TRIM14: variants seen among roughly 807,000 people sequenced by gnomAD.
TRIM14 encodes the protein tripartite motif containing 14.
A neutral mutation model predicts 44.5 loss-of-function variants in TRIM14; 28 were observed. The observed-to-expected ratio is 0.63, with a 90% CI of 0.47 to 0.86. TRIM14 has a LOEUF of 0.86. TRIM14 is among the 40% of genes least tolerant of loss of function. The pLI is 0.00. For missense variants in TRIM14, 607 were observed against 611.1 expected, an observed-to-expected ratio of 0.99 and a Z score of 0.07; for synonymous variants, 299 against 269.2, an observed-to-expected ratio of 1.11 and a Z score of -1.08.
intron 6 of TRIM14, among the ~76,000 whole-genome samples, chr9:98,072,618 C>T (rs1829391602): frequency 6.6e-6 from 1 of 152,110 alleles, no homozygotes; most frequent in Non-Finnish European, 1.5e-5. Flanking sequence ...ACCATGTTGG[C>T]CAGGGTGGTC....
chr9:98,059,948 GGATGTTCCTGTCCCTGA>G, the TRIM14 span, among the ~76,000 whole-genome samples: 1 of 152,144 alleles, frequency 6.6e-6, no homozygotes, highest in South Asian at 2.1e-4. Flanking sequence ...CACTGTCCCT[GGATGTTCCTGTCCCTGA>G]GAGGGCCTCA....
the TRIM14 span, among the ~76,000 whole-genome samples, chr9:98,059,312 T>C: frequency 6.6e-6 from 1 of 152,230 alleles, no homozygotes; most frequent in Non-Finnish European, 1.5e-5. Flanking sequence ...TGTGAGCCAC[T>C]GCGCCCGGCA....
At chr9:98,110,087 T>C (rs990330866) in intron 1 of TRIM14, 103 bp from the exon 2 acceptor site, 32 of 858,436 alleles carry the variant, frequency 3.7e-5, no homozygotes, top group African/African-American at 1.7e-4. Context: ...TCTTTTCCAA[T>C]GGAGGCATCT....
the TRIM14 span, among the ~76,000 whole-genome samples, chr9:98,053,141 G>A: frequency 6.6e-6 from 1 of 152,194 alleles, no homozygotes; most frequent in Non-Finnish European, 1.5e-5. Flanking sequence ...AATTGAACCT[G>A]GGCCACCACT....
At chr9:98,071,804 T>C (rs1829347184) in intron 6 of TRIM14, among the ~76,000 whole-genome samples, 1 of 152,188 alleles carries the variant, frequency 6.6e-6, no homozygotes, top group Non-Finnish European at 1.5e-5. Context: ...TGCACCTGGA[T>C]TGGGGACTTT....
chr9:98,099,894 C>A (rs1434040600), intron 3 of TRIM14, 37 bp downstream of exon 3: 2 of 1,570,210 alleles, frequency 1.3e-6, no homozygotes, highest in East Asian at 2.2e-5. Context: ...GTGTGGGTGG[C>A]AGGTGGCAGC....
the TRIM14 span, among the ~76,000 whole-genome samples, chr9:98,043,314 A>G: frequency 3.3e-5 from 5 of 152,032 alleles, no homozygotes; most frequent in African/African-American, 1.2e-4. Flanking sequence ...AGTAGCTGGG[A>G]TTACAGGCAT....
downstream of TRIM14, among the ~76,000 whole-genome samples, chr9:98,080,081 G>A (rs2118007167): frequency 6.6e-6 from 1 of 152,318 alleles, no homozygotes; most frequent in East Asian, 1.9e-4. Flanking sequence ...GGGCGTGGTG[G>A]CGGGCACCCA....
At chr9:98,047,143 C>G in the TRIM14 span, among the ~76,000 whole-genome samples, 1 of 152,082 alleles carries the variant, frequency 6.6e-6, no homozygotes, top group African/African-American at 2.4e-5. Flanking sequence ...GGCGGTTTCC[C>G]CCATACTGTT....
At position 98,094,984 on chromosome 9, in the gene TRIM14, C is replaced by T. The variant is rs979915212; in HGVS notation, c.583G>A (p.Gly195Arg). 1.4e-5 allele frequency: 23 copies of T among 1,613,942 alleles called. No individual in the cohort carries two copies. Among genetic ancestry groups the T allele is most frequent in the Middle Eastern group, 1.6e-4 (1 of 6,078 alleles). The change falls in exon 4 of 6, where the codon GGG becomes AGG. Residue 195 changes from glycine to arginine, a missense_variant. Gly to Arg is a moderately radical substitution (Grantham distance 125). Transcript: ENST00000341469. ...AGGGGCACGGGATGGCACAGCTCCCCGAGGCTCATCTGCTGCTGCATCTCC... is the reference window on the plus strand; with the variant it reads ...AGGGGCACGGGATGGCACAGCTCCCTGAGGCTCATCTGCTGCTGCATCTCC... ...EQEMQQQMSLGELCHPVPLSF... is the reference protein window; with the variant it reads ...EQEMQQQMSLRELCHPVPLSF...
chr9:98,091,520 C>G (rs1251597008), intron 5 of TRIM14, among the ~76,000 whole-genome samples: 1 of 151,842 alleles, frequency 6.6e-6, no homozygotes, highest in African/African-American at 2.4e-5. Context: ...TATATATGTT[C>G]ATAATATATC....
chr9:98,118,917 G>T, intron 1 of TRIM14, 65 bp downstream of exon 1: 1 of 1,419,112 alleles, frequency 7.0e-7, no homozygotes, highest in South Asian at 1.5e-5. Context: ...CCCCCTCCTC[G>T]GCCGTTATGC....
At chr9:98,079,519 T>G (rs919092510), downstream of TRIM14, among the ~76,000 whole-genome samples, 4 of 152,186 alleles carry the variant, frequency 2.6e-5, no homozygotes, top group African/African-American at 9.7e-5. Flanking sequence ...TCTTTTTACC[T>G]AAACTTTCTG....
At chr9:98,060,746 GAC>G in the TRIM14 span, 6 of 1,601,330 alleles carry the variant, frequency 3.7e-6, 1 homozygote, top group Middle Eastern at 5.0e-4. Context: ...GAGAATCTAC[GAC>G]AGTCACTGAA....
chr9:98,057,458 T>A, the TRIM14 span, among the ~76,000 whole-genome samples: 9 of 152,338 alleles, frequency 5.9e-5, no homozygotes, highest in East Asian at 1.7e-3. Context: ...GCCGGGCCTT[T>A]GAGTTCAAAT....
chr9:98,047,732 C>A, the TRIM14 span, among the ~76,000 whole-genome samples: 1 of 152,044 alleles, frequency 6.6e-6, no homozygotes. Flanking sequence ...CAGCTCTTTG[C>A]ATGTTCGGAT....
the TRIM14 span, among the ~76,000 whole-genome samples, chr9:98,051,207 T>C: frequency 6.6e-6 from 1 of 152,222 alleles, no homozygotes; most frequent in Admixed American, 6.5e-5. Flanking sequence ...ATTATGACTA[T>C]CGCGAGGATA....
intron 1 of TRIM14, 69 bp downstream of exon 1, chr9:98,118,913 C>T: frequency 7.1e-7 from 1 of 1,415,496 alleles, no homozygotes; most frequent in Non-Finnish European, 9.2e-7. Context: ...CACGCCCCCT[C>T]CTCGGCCGTT....
intron 4 of TRIM14, among the ~76,000 whole-genome samples, chr9:98,093,041 G>A (rs1249312502): frequency 6.6e-6 from 1 of 152,132 alleles, no homozygotes; most frequent in African/African-American, 2.4e-5. Flanking sequence ...CTGCCGAGGC[G>A]ATACCACCAC....
Sources: allele counts gnomAD v4.1 joint callset (sites outside exome capture counted in the v4.1 genomes callset), GRCh38; gene constraint gnomAD v4.1.1; transcripts MANE v1.5; gene names NCBI Gene and HGNC (gene_info 2026-07-23, HGNC 2026-07-21).